CYP19A1: variants seen among roughly 807,000 people sequenced by gnomAD.
CYP19A1 encodes aromatase.
CYP19A1 carries 32 observed loss-of-function variants against 44.4 expected under a neutral mutation model. The ratio of observed to expected loss-of-function variants is 0.72; its 90% CI spans 0.54 to 0.97. CYP19A1 has a LOEUF of 0.97. Ranked by LOEUF, CYP19A1 falls within the 50% of genes least tolerant of loss-of-function variation. CYP19A1 has a pLI of 0.00. For synonymous variants in CYP19A1, 212 were observed against 215.6 expected, an observed-to-expected ratio of 0.98 and a Z score of 0.14; for missense variants, 598 against 637.8, an observed-to-expected ratio of 0.94 and a Z score of 0.67.
intron 1 of CYP19A1, among the ~76,000 whole-genome samples, chr15:51,311,469 G>A (rs1406886543): frequency 6.6e-6 from 1 of 152,182 alleles, no homozygotes; most frequent in Non-Finnish European, 1.5e-5. Flanking sequence ...AAGCCTCGAG[G>A]ATCTGTGGGA....
In CYP19A1 at chr15:51,216,557, T is replaced by G. The variant is rs549992373; in HGVS notation, c.744-740A>C. ...CATGAGCCATTGCACCTGGCCCCCA[T>G]AGTCTGCTTTTATTTGCCTAGTCCT... is the stretch of plus-strand genomic sequence containing the variant. On this transcript the variant is annotated intron_variant, in intron 6 of 9. Coordinates refer to ENST00000396402, the MANE Select transcript of CYP19A1 (RefSeq NM_000103.4). Among the ~76,000 whole-genome samples, 18 of 152,336 alleles carry G rather than the reference T, an allele frequency of 1.2e-4. No homozygotes were observed. In the East Asian group the frequency reaches 3.5e-3, roughly 29 times the overall value.
rs536071228 is a variant in CYP19A1 at position 51,309,155 on chromosome 15, G to A, written c.-39+29340C>T. Among the ~76,000 whole-genome samples the A allele has an allele frequency of 2.0e-5, 3 of 152,280 alleles. No homozygotes were observed. The South Asian group carries it at 6.2e-4, about 32-fold the overall frequency. ...CTTTTGAGGTGATTAGGTCATGAGG[G>A]TGGAGCCCACATGAATTGGATTGGT... is the stretch of plus-strand genomic sequence containing the variant. On this transcript the variant is annotated intron_variant, in intron 1 of 9. Transcript: ENST00000396402.
chr15:51,209,775 A>T lies in CYP19A1; in HGVS notation c.*1033T>A, dbSNP rs542540772. The T allele has an allele frequency of 6.5e-6, 1 of 153,608 alleles. No homozygotes were observed. Among genetic ancestry groups the T allele is most frequent in the East Asian group, 1.9e-4 (1 of 5,202 alleles). The allele number at this position is 153,608 out of a possible 1,614,324, so 9.5% of individuals were successfully genotyped here. A position where few individuals can be genotyped will look rare whatever the true frequency, so the allele number is the denominator to read the frequency against. The stretch of plus-strand genomic sequence containing the variant: ...ATCTGTTGCCCTTGGCTTTGGGGTC[A>T]TGGGAAGAAAGAGGGAGAAAATGTC... On this transcript the variant is annotated 3_prime_UTR_variant, in exon 10 of 10. Coordinates refer to ENST00000396402, the MANE Select transcript of CYP19A1 (RefSeq NM_000103.4).
At chr15:51,328,188 ACT>A (rs2141028207) in intron 1 of CYP19A1, among the ~76,000 whole-genome samples, 1 of 152,316 alleles carries the variant, frequency 6.6e-6, no homozygotes, top group South Asian at 2.1e-4. Context: ...TACCATCTTC[ACT>A]CTATGCTGCA....
chr15:51,264,208 G>A (rs922785456), intron 1 of CYP19A1, among the ~76,000 whole-genome samples: 1 of 152,166 alleles, frequency 6.6e-6, no homozygotes, highest in Non-Finnish European at 1.5e-5. Context: ...AGATTTCAGA[G>A]GAGGCACAGT....
chr15:51,284,130 T>A (rs951726634), intron 1 of CYP19A1, among the ~76,000 whole-genome samples: 1 of 152,162 alleles, frequency 6.6e-6, no homozygotes, highest in Non-Finnish European at 1.5e-5. Context: ...AAAGAATTGC[T>A]CAGTTGCTGC....
At chr15:51,256,912 T>C (rs1263157298) in intron 1 of CYP19A1, among the ~76,000 whole-genome samples, 1 of 152,208 alleles carries the variant, frequency 6.6e-6, no homozygotes, top group African/African-American at 2.4e-5. Context: ...AGTCAGATGA[T>C]GGGTGGGCAG....
At chr15:51,246,270 CA>C (rs2141131813) in intron 1 of CYP19A1, among the ~76,000 whole-genome samples, 1 of 152,312 alleles carries the variant, frequency 6.6e-6, no homozygotes, top group African/African-American at 2.4e-5. Context: ...CACCCCCAAA[CA>C]CACATGTACA....
intron 3 of CYP19A1, among the ~76,000 whole-genome samples, chr15:51,235,144 T>A (rs2033307161): frequency 6.6e-6 from 1 of 152,210 alleles, no homozygotes; most frequent in South Asian, 2.1e-4. Context: ...AAGTACTGAT[T>A]TTTAAAATGA....
rs1034128048 is a variant in CYP19A1, at chr15:51,282,447, G to T, written c.-38-39497C>A. The stretch of plus-strand genomic sequence containing the variant: ...ATGTTCCATATGCTTCAAAGGAAAT[G>T]CTAAACTATCACAGCTGTAGATCAT... On this transcript the variant is annotated intron_variant, in intron 1 of 9. Coordinates refer to ENST00000396402, the MANE Select transcript of CYP19A1 (RefSeq NM_000103.4). Among the ~76,000 whole-genome samples the T allele has an allele frequency of 2.6e-5, 4 of 152,296 alleles. No individual in the cohort carries two copies. In the South Asian group the frequency reaches 6.2e-4, roughly 24 times the overall value.
intron 3 of CYP19A1, among the ~76,000 whole-genome samples, chr15:51,234,220 T>G (rs545031471): frequency 1.3e-5 from 2 of 152,254 alleles, no homozygotes; most frequent in Admixed American, 6.5e-5. Context: ...CATGTCCTAT[T>G]CCCGCGGGGA....
chr15:51,240,600 G>A (rs145107820), intron 2 of CYP19A1, among the ~76,000 whole-genome samples: 2 of 152,122 alleles, frequency 1.3e-5, no homozygotes, highest in East Asian at 1.9e-4. Context: ...CCCAAACAAG[G>A]CCAATTTTCT....
chr15:51,216,137 A>G, intron 6 of CYP19A1: 1 of 392,772 alleles, frequency 2.5e-6, no homozygotes, highest in Non-Finnish European at 4.5e-6. Context: ...TTTGGCAGGC[A>G]CAATGTTTAA....
At chr15:51,326,462 C>T (rs1374832194) in intron 1 of CYP19A1, among the ~76,000 whole-genome samples, 2 of 152,162 alleles carry the variant, frequency 1.3e-5, no homozygotes, top group African/African-American at 2.4e-5. Context: ...TTTTCAACTA[C>T]GATAAAGTTG....
At position 51,222,514 on chromosome 15, in the gene CYP19A1, G is replaced by T; in HGVS notation, c.463C>A (p.Pro155Thr). The T allele has an allele frequency of 6.2e-7, 1 of 1,613,580 alleles. No individual in the cohort carries two copies. The highest frequency in any genetic ancestry group is 8.5e-7 in the Non-Finnish European group (1 of 1,179,684). The change falls in exon 5 of 10, where the codon CCC becomes ACC. Residue 155 changes from proline (P) to threonine (T), a missense_variant. Physicochemically the swap from Pro to Thr is conservative, Grantham distance 38. Coordinates refer to ENST00000396402, the MANE Select transcript of CYP19A1 (RefSeq NM_000103.4). ...ACTGTGACCATACGAACAAGGCCGG[G>T]GCCTGACAGAGCTGCAGAGTACACA... ...RPFFMKALSG[P>T]GLVRMVTVCA... is the part of the protein sequence containing the mutation.
At chr15:51,223,591 T>TCACACACACACA (rs1157301044) in intron 4 of CYP19A1, among the ~76,000 whole-genome samples, 114 of 56,968 alleles carry the variant, frequency 2.0e-3, no homozygotes, top group African/African-American at 5.7e-3. Flanking sequence ...TCTCTCTCTC[T>TCACACACACACA]CTCACACACA....
In CYP19A1 at chr15:51,245,050, T is replaced by C. The variant is rs28527365; in HGVS notation, c.-38-2100A>G. ...TTTGTTTGTTTGTTCCCCTACACAC[T>C]TATAACCTATGGTAAGAGTTTCTAA... On this transcript the variant is annotated intron_variant, in intron 1 of 9. Transcript: ENST00000396402. Among the ~76,000 whole-genome samples, 883 of 152,346 alleles carry C rather than the reference T, an allele frequency of 5.8e-3. 12 individuals are homozygous for C. Among genetic ancestry groups the C allele is most frequent in the African/African-American group, 0.021 (854 of 41,578 alleles).
At chr15:51,224,323 CA>C (rs1263482302) in intron 4 of CYP19A1, among the ~76,000 whole-genome samples, 1 of 152,138 alleles carries the variant, frequency 6.6e-6, no homozygotes, top group African/African-American at 2.4e-5. Context: ...AGTCTAACTC[CA>C]AAAGGAGATT....
intron 1 of CYP19A1, among the ~76,000 whole-genome samples, chr15:51,330,083 G>C (rs2036675940): frequency 6.6e-6 from 1 of 152,182 alleles, no homozygotes; most frequent in Non-Finnish European, 1.5e-5. Flanking sequence ...ATAGTGGCAA[G>C]GAGCAGGGAG....
Sources: allele counts gnomAD v4.1 joint callset (sites outside exome capture counted in the v4.1 genomes callset), GRCh38; gene constraint gnomAD v4.1.1; transcripts MANE v1.5; gene names NCBI Gene and HGNC (gene_info 2026-07-23, HGNC 2026-07-21).